Variants in TENM1 observed in about 807,000 individuals in gnomAD.
TENM1 encodes teneurin-1.
Under a neutral mutation model 174.8 loss-of-function variants are expected in TENM1, and 35 were observed. That is an observed-to-expected ratio of 0.20 (90% confidence interval 0.15 to 0.27). The LOEUF (loss-of-function observed/expected upper bound fraction) is 0.27, where lower values mean the gene tolerates loss of function less well. Among genes scored for constraint, TENM1 ranks in the 10% least tolerant of loss-of-function variants. TENM1 has a pLI of 1.00. For missense variants in TENM1, 1,633 were observed against 2,130.1 expected (o/e 0.77, Z 4.59); for synonymous variants, 781 against 798.7 (o/e 0.98, Z 0.37).
the TENM1 span, among the ~76,000 whole-genome samples, chrX:124,986,554 A>T: frequency 8.9e-6 from 1 of 112,436 alleles, no homozygotes; most frequent in East Asian, 2.8e-4. Flanking sequence ...TAGAAAACTT[A>T]ATATTTAAAA....
the TENM1 span, among the ~76,000 whole-genome samples, chrX:125,200,678 A>AGAGAGAGAGAGAGAGAGAGAGAG: frequency 5.6e-5 from 6 of 106,737 alleles, no homozygotes; most frequent in African/African-American, 2.0e-4. Context: ...AGAGAGAGAG[A>AGAGAGAGAGAGAGAGAGAGAGAG]ACAAATATGA....
chrX:124,735,272 G>C lies in TENM1; in HGVS notation c.776+1685C>G, dbSNP rs2053644549. Reference sequence around the variant, plus strand: ...AAGAAAAAAATACCCAAAAATTCCTGTTAAAAAGTGGGCAAAGGACATGAA... The same window carrying C: ...AAGAAAAAAATACCCAAAAATTCCTCTTAAAAAGTGGGCAAAGGACATGAA... On this transcript the variant is annotated intron_variant, in intron 4 of 31. Coordinates refer to ENST00000422452, the Ensembl canonical transcript of TENM1. Among the ~76,000 whole-genome samples, 6 of 111,903 alleles carry C rather than the reference G, an allele frequency of 5.4e-5. No individual in the cohort carries two copies. In the South Asian group the frequency reaches 2.2e-3, roughly 42 times the overall value.
intron 11 of TENM1, among the ~76,000 whole-genome samples, chrX:124,637,107 G>A (rs1184880409): frequency 3.0e-4 from 15 of 49,799 alleles, no homozygotes; most frequent in Non-Finnish European, 4.0e-5. Flanking sequence ...TTTTTTTTTT[G>A]TGACGGAGTT....
intron 25 of TENM1, among the ~76,000 whole-genome samples, chrX:124,409,372 C>T (rs867726206): frequency 2.8e-5 from 3 of 108,741 alleles, no homozygotes; most frequent in Admixed American, 9.9e-5. Flanking sequence ...TGGGACGTAT[C>T]TCAAAATAAT....
chrX:124,734,433 G>A (rs1023727846), intron 4 of TENM1, among the ~76,000 whole-genome samples: 1 of 108,399 alleles, frequency 9.2e-6, no homozygotes, highest in Admixed American at 1.0e-4. Flanking sequence ...CTGGGCGACA[G>A]AAGGAGACTG....
intron 11 of TENM1, among the ~76,000 whole-genome samples, chrX:124,638,851 G>C (rs958897358): frequency 9.0e-6 from 1 of 111,154 alleles, no homozygotes; most frequent in Non-Finnish European, 1.9e-5. Flanking sequence ...TCAGTTGGCG[G>C]CACTTACTTT....
chrX:125,046,955 T>C, the TENM1 span, among the ~76,000 whole-genome samples: 1 of 109,815 alleles, frequency 9.1e-6, no homozygotes, highest in Non-Finnish European at 1.9e-5. Context: ...CCAAGCACCA[T>C]TTAATAGAAA....
intron 24 of TENM1, among the ~76,000 whole-genome samples, chrX:124,421,264 A>G (rs1419760020): frequency 8.9e-6 from 1 of 112,357 alleles, no homozygotes; most frequent in Non-Finnish European, 1.9e-5. Context: ...AAAGTACACT[A>G]AGTCTATAAG....
At chrX:124,593,995 T>C (rs2049828653) in intron 11 of TENM1, among the ~76,000 whole-genome samples, 1 of 112,529 alleles carries the variant, frequency 8.9e-6, no homozygotes, top group Non-Finnish European at 1.9e-5. Flanking sequence ...TGATTTTGTA[T>C]GCACCCAGAT....
the TENM1 span, among the ~76,000 whole-genome samples, chrX:125,117,356 G>T: frequency 5.2e-4 from 58 of 112,349 alleles, no homozygotes; most frequent in African/African-American, 1.8e-3. Context: ...CTACACCATG[G>T]AATACTATGC....
chrX:124,895,960 A>C (rs767497088), intron 2 of TENM1, 21 bp downstream of exon 5: 1 of 1,205,382 alleles, frequency 8.3e-7, no homozygotes, highest in African/African-American at 1.7e-5. Context: ...TTTTACTTAA[A>C]CAATTCAAGT....
At chrX:125,090,956 G>A in the TENM1 span, among the ~76,000 whole-genome samples, 1 of 111,538 alleles carries the variant, frequency 9.0e-6, no homozygotes, top group Non-Finnish European at 1.9e-5. Flanking sequence ...GACTTTGTTC[G>A]CTATGTTACA....
chrX:124,934,780 GC>G (rs760803392), intron 1 of TENM1, among the ~76,000 whole-genome samples: 1 of 111,633 alleles, frequency 9.0e-6, no homozygotes, highest in East Asian at 2.8e-4. Flanking sequence ...CCATTGGTTT[GC>G]CCAGTGGAAG....
chrX:125,128,135 C>G, the TENM1 span, among the ~76,000 whole-genome samples: 2 of 111,455 alleles, frequency 1.8e-5, no homozygotes, highest in Non-Finnish European at 3.8e-5. Flanking sequence ...TCCCTTCTTT[C>G]TTTAGTAACT....
intron 1 of TENM1, among the ~76,000 whole-genome samples, chrX:124,941,792 A>G (rs2058330844): frequency 8.9e-6 from 1 of 111,850 alleles, no homozygotes; most frequent in East Asian, 2.8e-4. Flanking sequence ...CTGCTGATAA[A>G]GACATACCCA....
the TENM1 span, among the ~76,000 whole-genome samples, chrX:125,135,491 C>G: frequency 8.9e-6 from 1 of 111,951 alleles, no homozygotes; most frequent in Non-Finnish European, 1.9e-5. Flanking sequence ...AACCCTGGGG[C>G]TAATTATCTT....
At chrX:124,439,885 A>G (rs2060884998) in intron 23 of TENM1, among the ~76,000 whole-genome samples, 2 of 111,007 alleles carry the variant, frequency 1.8e-5, no homozygotes, top group African/African-American at 6.6e-5. Flanking sequence ...AATTCTCACA[A>G]CCTCCCTATG....
At chrX:125,157,030 A>T in the TENM1 span, among the ~76,000 whole-genome samples, 1 of 112,523 alleles carries the variant, frequency 8.9e-6, no homozygotes, top group Non-Finnish European at 1.9e-5. Flanking sequence ...CATGATGCAT[A>T]GTCAGGTTCA....
the TENM1 span, among the ~76,000 whole-genome samples, chrX:125,121,472 T>C: frequency 1.8e-5 from 2 of 112,354 alleles, no homozygotes; most frequent in African/African-American, 3.2e-5. Flanking sequence ...AATACAGATT[T>C]AGCAATGTAA....
Sources: gnomAD v4.1 joint callset for allele counts (sites outside exome capture counted in the v4.1 genomes callset) on GRCh38, gnomAD v4.1.1 for gene constraint, MANE v1.5 for transcripts, NCBI Gene and HGNC (gene_info 2026-07-23, HGNC 2026-07-21) for gene names.